The following FBXL17 variants were observed in gnomAD, a reference collection of about 807,000 sequenced individuals.
FBXL17 encodes the protein F-box and leucine rich repeat protein 17.
In FBXL17, 22 loss-of-function variants were observed where a neutral mutation model predicts 66.2. The ratio of observed to expected loss-of-function variants is 0.33; its 90% confidence interval spans 0.24 to 0.47. FBXL17 has a LOEUF of 0.47. FBXL17 is among the 20% of genes least tolerant of loss of function. The pLI is 1.00. For missense variants in FBXL17, 878 were observed against 948.2 expected, an observed-to-expected ratio of 0.93 and a Z score of 0.97; for synonymous variants, 474 against 400.5, an observed-to-expected ratio of 1.18 and a Z score of -2.19.
intron 6 of FBXL17, among the ~76,000 whole-genome samples, chr5:108,111,121 T>C (rs1217273211): frequency 6.6e-6 from 1 of 151,964 alleles, no homozygotes; most frequent in African/African-American, 2.4e-5. Context: ...TGTTTCAGAA[T>C]GACCTATTTC....
rs147193389 is a variant in FBXL17, at chr5:108,348,519, T to C, written c.1386A>G (p.Lys462=). 7 of 1,612,834 alleles carry C rather than the reference T, an allele frequency of 4.3e-6. No homozygotes were observed. Among genetic ancestry groups the C allele is most frequent in the Non-Finnish European group, 5.9e-6 (7 of 1,179,236 alleles). The change falls in exon 4 of 9, where the codon AAA becomes AAG. Residue 462 remains lysine, a synonymous_variant. Coordinates refer to ENST00000542267, the MANE Select transcript of FBXL17 (RefSeq NM_001163315.3). ...TDEGLKQLGS[K]CRELKDIHFG... Reference sequence around the variant, plus strand: ...AATGAATATCTTTGAGTTCTCTGCATTTTGAGCCCAGCTGTAAACAAACAG... The same window carrying C: ...AATGAATATCTTTGAGTTCTCTGCACTTTGAGCCCAGCTGTAAACAAACAG...
intron 4 of FBXL17, among the ~76,000 whole-genome samples, chr5:108,275,793 A>C (rs1580730124): frequency 6.6e-6 from 1 of 152,208 alleles, no homozygotes; most frequent in African/African-American, 2.4e-5. Flanking sequence ...TTGCTCAAGC[A>C]TGGATTCCAG....
At chr5:107,862,008 G>T (rs1748137283) in intron 8 of FBXL17, 148 bp from the exon 9 acceptor site, 3 of 757,014 alleles carry the variant, frequency 4.0e-6, no homozygotes, top group South Asian at 4.3e-5. Context: ...GGTTTTGTGA[G>T]GAGATATGTG....
intron 7 of FBXL17, among the ~76,000 whole-genome samples, chr5:107,976,173 G>A (rs750227454): frequency 2.6e-5 from 4 of 152,092 alleles, no homozygotes; most frequent in Non-Finnish European, 4.4e-5. Context: ...TCTGTCTTAT[G>A]TCTACTGGTT....
intron 7 of FBXL17, among the ~76,000 whole-genome samples, chr5:107,998,020 C>T (rs768499748): frequency 3.9e-5 from 6 of 152,042 alleles, no homozygotes; most frequent in Admixed American, 2.6e-4. Context: ...CTACTGAGCA[C>T]GGGAAACATA....
intron 8 of FBXL17, among the ~76,000 whole-genome samples, chr5:107,874,513 G>A (rs1748556085): frequency 1.3e-5 from 2 of 152,164 alleles, no homozygotes; most frequent in Admixed American, 6.5e-5. Flanking sequence ...TGAATTTGAG[G>A]CTTTTAGAGA....
chr5:108,193,384 G>A (rs1753549469), intron 5 of FBXL17, among the ~76,000 whole-genome samples: 1 of 151,940 alleles, frequency 6.6e-6, no homozygotes, highest in Admixed American at 6.6e-5. Context: ...GGAAAGGGGT[G>A]GTAGCAATAG....
chr5:108,019,652 TAC>T (rs1040561303), intron 7 of FBXL17, among the ~76,000 whole-genome samples: 1 of 150,680 alleles, frequency 6.6e-6, no homozygotes, highest in Non-Finnish European at 1.5e-5. Context: ...AATACACACA[TAC>T]ACACACACAC....
intron 4 of FBXL17, among the ~76,000 whole-genome samples, chr5:108,236,591 A>G (rs982866745): frequency 6.6e-6 from 1 of 152,132 alleles, no homozygotes; most frequent in Non-Finnish European, 1.5e-5. Context: ...AAACAAACAA[A>G]TATCAATGAC....
At chr5:108,276,496 TC>T (rs1413115263) in intron 4 of FBXL17, among the ~76,000 whole-genome samples, 1 of 152,168 alleles carries the variant, frequency 6.6e-6, no homozygotes, top group Non-Finnish European at 1.5e-5. Context: ...ATATTGTAAG[TC>T]TTTATGGATC....
chr5:108,092,286 G>A (rs1041837762), intron 6 of FBXL17, among the ~76,000 whole-genome samples: 2 of 152,176 alleles, frequency 1.3e-5, no homozygotes, highest in Non-Finnish European at 2.9e-5. Context: ...ATTAGAGAGT[G>A]AGGCTGGAGC....
At chr5:108,197,443 G>A (rs1047269765) in intron 5 of FBXL17, among the ~76,000 whole-genome samples, 2 of 152,048 alleles carry the variant, frequency 1.3e-5, no homozygotes, top group East Asian at 1.9e-4. Context: ...ACAAAATTTC[G>A]AACCAATTTC....
chr5:108,114,350 C>T (rs1180285065), intron 6 of FBXL17, among the ~76,000 whole-genome samples: 1 of 151,926 alleles, frequency 6.6e-6, no homozygotes, highest in Non-Finnish European at 1.5e-5. Context: ...CTCTTGTTTC[C>T]AAATTATTAT....
intron 6 of FBXL17, among the ~76,000 whole-genome samples, chr5:108,041,401 TTTTTGTTTTTTTG>T (rs1747040273): frequency 6.6e-6 from 1 of 152,128 alleles, no homozygotes; most frequent in Middle Eastern, 3.4e-3. Context: ...GCAAATTGCC[TTTTTGTTTTTTTG>T]TTTTGTTTTG....
At chr5:108,299,703 C>A in intron 4 of FBXL17, 1 of 984,144 alleles carries the variant, frequency 1.0e-6, no homozygotes, top group Non-Finnish European at 1.2e-6. Flanking sequence ...GCTGCTTGTC[C>A]AGTAATGCCT....
intron 7 of FBXL17, among the ~76,000 whole-genome samples, chr5:108,009,651 A>G (rs1424639779): frequency 1.3e-5 from 2 of 152,162 alleles, no homozygotes; most frequent in Non-Finnish European, 2.9e-5. Context: ...CTGAGTCTTT[A>G]CAAGCCCAAG....
chr5:107,863,956 C>G (rs1344302465), intron 8 of FBXL17, among the ~76,000 whole-genome samples: 1 of 152,186 alleles, frequency 6.6e-6, no homozygotes, highest in Admixed American at 6.5e-5. Context: ...AATTATCTGT[C>G]CACTTGCCTA....
chr5:108,373,254 TAATATA>T (rs1184383413), intron 1 of FBXL17, among the ~76,000 whole-genome samples: 2 of 145,686 alleles, frequency 1.4e-5, no homozygotes, highest in Non-Finnish European at 3.0e-5. Flanking sequence ...CTAAATATAT[TAATATA>T]AATATAATAT....
At chr5:107,939,170 A>G (rs1399392383) in intron 7 of FBXL17, among the ~76,000 whole-genome samples, 1 of 152,144 alleles carries the variant, frequency 6.6e-6, no homozygotes. Flanking sequence ...ATGATGTGCC[A>G]GGTATTATGC....
Sources: allele counts gnomAD v4.1 joint callset (sites outside exome capture counted in the v4.1 genomes callset), GRCh38; gene constraint gnomAD v4.1.1; transcripts MANE v1.5; gene names NCBI Gene and HGNC (gene_info 2026-07-23, HGNC 2026-07-21).